The following ATRX variants were observed in gnomAD, a reference collection of about 807,000 sequenced individuals.
ATRX encodes the protein chromatin remodeler ATRX.
In ATRX, 12 loss-of-function variants were observed where a neutral mutation model predicts 172.6. That is an observed-to-expected ratio of 0.07 (90% CI 0.04 to 0.11). ATRX has a LOEUF of 0.11. ATRX is among the 10% of genes least tolerant of loss of function. ATRX has a pLI of 1.00. For missense variants in ATRX, 1,368 were observed against 1,767.4 expected, an observed-to-expected ratio of 0.77 and a Z score of 4.05; for synonymous variants, 674 against 594.7, an observed-to-expected ratio of 1.13 and a Z score of -1.94.
chrX:77,651,870 T>C (rs2069260990), intron 15 of ATRX: 3 of 369,558 alleles, frequency 8.1e-6, no homozygotes, highest in African/African-American at 2.5e-5. Context: ...AAAAAAGAAA[T>C]CTGTGGTAGA....
chrX:77,589,206 T>C (rs1286265171), intron 27 of ATRX, among the ~76,000 whole-genome samples: 1 of 112,274 alleles, frequency 8.9e-6, no homozygotes, highest in African/African-American at 3.2e-5. Context: ...GTCCAGAATA[T>C]ATGAATCTAT....
At chrX:77,549,184 A>G (rs1557054634) in intron 30 of ATRX, among the ~76,000 whole-genome samples, 1 of 111,365 alleles carries the variant, frequency 9.0e-6, no homozygotes, top group Non-Finnish European at 1.9e-5. Context: ...CAGGAGTTCG[A>G]GACCAGCCTG....
intron 34 of ATRX, among the ~76,000 whole-genome samples, chrX:77,509,880 T>G (rs2147660628): frequency 1.6e-5 from 1 of 61,090 alleles, no homozygotes; most frequent in African/African-American, 6.6e-5. Flanking sequence ...AGTCCTGTAC[T>G]GTGCTGGGCT....
chrX:77,601,185 G>A (rs2066659840), intron 22 of ATRX, among the ~76,000 whole-genome samples: 1 of 111,098 alleles, frequency 9.0e-6, no homozygotes, highest in African/African-American at 3.3e-5. Context: ...TTACTTCTAG[G>A]CAAGTGACAG....
intron 1 of ATRX, among the ~76,000 whole-genome samples, chrX:77,751,893 G>A (rs1302016651): frequency 8.9e-6 from 1 of 111,771 alleles, no homozygotes; most frequent in Non-Finnish European, 1.9e-5. Context: ...TTTGGTACCA[G>A]TACCATGCTG....
At chrX:77,539,017 C>T (rs1343364891) in intron 30 of ATRX, among the ~76,000 whole-genome samples, 1 of 109,012 alleles carries the variant, frequency 9.2e-6, no homozygotes, top group African/African-American at 3.4e-5. Flanking sequence ...GCCTCAGCCT[C>T]CCGAGTAGCT....
At chrX:77,626,703 G>A (rs1260452920) in intron 19 of ATRX, among the ~76,000 whole-genome samples, 1 of 111,829 alleles carries the variant, frequency 8.9e-6, no homozygotes, top group African/African-American at 3.3e-5. Context: ...ACATGCTTCT[G>A]TAAGCACAAA....
chrX:77,535,826 T>C (rs947453606), intron 30 of ATRX, among the ~76,000 whole-genome samples: 4 of 108,956 alleles, frequency 3.7e-5, no homozygotes, highest in Non-Finnish European at 7.6e-5. Flanking sequence ...CAAGCAATTA[T>C]CTTGGCTCAG....
chrX:77,623,066 A>C (rs2067668018), intron 19 of ATRX, among the ~76,000 whole-genome samples: 1 of 111,607 alleles, frequency 9.0e-6, no homozygotes, highest in Non-Finnish European at 1.9e-5. Context: ...AGCAGTACTA[A>C]ATGAAATTGA....
At chrX:77,633,072 C>A (rs2068183452) in intron 19 of ATRX, 135 bp downstream of exon 19, 3 of 657,598 alleles carry the variant, frequency 4.6e-6, no homozygotes, top group Non-Finnish European at 4.8e-6. Flanking sequence ...TAAGAATTTT[C>A]TAAAAGGCAA....
chrX:77,742,999 TG>T (rs1367419455), intron 1 of ATRX, among the ~76,000 whole-genome samples: 4 of 110,661 alleles, frequency 3.6e-5, no homozygotes, highest in African/African-American at 1.3e-4. Context: ...TAGGGAAACT[TG>T]GGCTGCTGTT....
intron 7 of ATRX, among the ~76,000 whole-genome samples, chrX:77,685,257 C>A (rs1008452142): frequency 9.0e-6 from 1 of 111,581 alleles, no homozygotes; most frequent in Non-Finnish European, 1.9e-5. Context: ...AGACAACCCA[C>A]AGAATGGGAG....
chrX:77,538,981 G>A (rs5959908), intron 30 of ATRX, among the ~76,000 whole-genome samples: 53,905 of 104,132 alleles, frequency 0.52, 12,841 homozygotes, highest in Non-Finnish European at 0.68. Flanking sequence ...TGCAACCTCC[G>A]TCTCCTGGGT....
intron 22 of ATRX, among the ~76,000 whole-genome samples, chrX:77,612,339 T>C (rs2067191264): frequency 9.1e-6 from 1 of 109,502 alleles, no homozygotes; most frequent in African/African-American, 3.3e-5. Flanking sequence ...TCTGGTAAAA[T>C]ATACATTTTA....
intron 22 of ATRX, among the ~76,000 whole-genome samples, chrX:77,607,464 A>G (rs781908090): frequency 3.9e-4 from 44 of 111,796 alleles, no homozygotes; most frequent in Middle Eastern, 4.6e-3. Context: ...CTGTAATCCC[A>G]GCACTTTGGG....
chrX:77,525,992 C>G (rs1256763252), intron 30 of ATRX, among the ~76,000 whole-genome samples: 2 of 112,038 alleles, frequency 1.8e-5, no homozygotes, highest in Admixed American at 1.9e-4. Context: ...GTCTGAGATA[C>G]CAGGAAAGCT....
At chrX:77,509,906 G>A (rs1425114354) in intron 34 of ATRX, among the ~76,000 whole-genome samples, 1 of 50,735 alleles carries the variant, frequency 2.0e-5, no homozygotes, top group African/African-American at 5.9e-5. Flanking sequence ...CCAGTGGACG[G>A]GGGGCGGGGG....
intron 30 of ATRX, among the ~76,000 whole-genome samples, chrX:77,553,920 G>C (rs2064662232): frequency 8.9e-6 from 1 of 111,758 alleles, no homozygotes; most frequent in Non-Finnish European, 1.9e-5. Context: ...TTATTTATGA[G>C]TGTATCCTTA....
chrX:77,564,116 T>C (rs1557063349), intron 28 of ATRX, among the ~76,000 whole-genome samples: 1 of 111,661 alleles, frequency 9.0e-6, no homozygotes, highest in African/African-American at 3.3e-5. Context: ...TCAAATACCC[T>C]TTCAGGAGCA....
Sources: gnomAD v4.1 joint callset for allele counts (sites outside exome capture counted in the v4.1 genomes callset) on GRCh38, gnomAD v4.1.1 for gene constraint, MANE v1.5 for transcripts, NCBI Gene and HGNC (gene_info 2026-07-23, HGNC 2026-07-21) for gene names.